TMC1: variants seen among roughly 807,000 people sequenced by gnomAD.
TMC1 encodes the protein transmembrane channel-like protein 1.
Under a neutral mutation model 105.8 loss-of-function variants are expected in TMC1, and 84 were observed. That is an observed-to-expected ratio of 0.79 (90% CI 0.67 to 0.95). The LOEUF (loss-of-function observed/expected upper bound fraction) is 0.95. Among genes scored for constraint, TMC1 ranks in the 40% least tolerant of loss-of-function variants. TMC1 has a pLI of 0.00. For missense variants in TMC1, 817 were observed against 914.1 expected (o/e 0.89, Z 1.37); for synonymous variants, 315 against 311.5 (o/e 1.01, Z -0.12).
intron 1 of TMC1, among the ~76,000 whole-genome samples, chr9:72,525,824 C>CT (rs1823398175): frequency 6.6e-6 from 1 of 152,108 alleles, no homozygotes; most frequent in South Asian, 2.1e-4. Context: ...CCCGTCTCTA[C>CT]TAAAAATACA....
chr9:72,709,067 C>G (rs1826792187), intron 8 of TMC1, among the ~76,000 whole-genome samples: 2 of 151,700 alleles, frequency 1.3e-5, no homozygotes, highest in South Asian at 4.2e-4. Context: ...GAAGAGAAAA[C>G]CACCCCCATG....
chr9:72,566,168 G>C (rs749062945), intron 1 of TMC1, among the ~76,000 whole-genome samples: 1 of 152,138 alleles, frequency 6.6e-6, no homozygotes, highest in East Asian at 1.9e-4. Flanking sequence ...TTACAGGCAC[G>C]TGCCATTATG....
At position 72,827,027 on chromosome 9, in the gene TMC1, C is replaced by T. The variant is rs111810642; in HGVS notation, c.2129+33C>T. 1,841 of 1,613,538 alleles carry T rather than the reference C, an allele frequency of 1.1e-3. 18 individuals carry two copies. The African/African-American group carries it at 0.022, about 19-fold the overall frequency. On this transcript the variant is annotated intron_variant, in intron 21 of 23. Transcript: ENST00000297784. Reference sequence around the variant, plus strand: ...CTTTTCCTCCTCATAGAAAGAGCCTCTGTGATGTTCTTCCTGGCTGTTTTT... The same window carrying T: ...CTTTTCCTCCTCATAGAAAGAGCCTTTGTGATGTTCTTCCTGGCTGTTTTT...
At chr9:72,610,485 A>G (rs561876266) in intron 2 of TMC1, among the ~76,000 whole-genome samples, 12 of 152,294 alleles carry the variant, frequency 7.9e-5, no homozygotes, top group African/African-American at 2.4e-4. Context: ...GGAAGAAGCC[A>G]ATGTTTCAGT....
intron 17 of TMC1, among the ~76,000 whole-genome samples, chr9:72,793,229 C>T (rs1431111452): frequency 6.6e-6 from 1 of 152,116 alleles, no homozygotes; most frequent in African/African-American, 2.4e-5. Context: ...GGAGGTTAGA[C>T]CCCCAACCAC....
intron 2 of TMC1, among the ~76,000 whole-genome samples, chr9:72,608,190 G>GA (rs1363743912): frequency 1.3e-5 from 2 of 152,062 alleles, no homozygotes; most frequent in Non-Finnish European, 2.9e-5. Flanking sequence ...CTGTTAAACA[G>GA]AAAAAGTGAA....
intron 20 of TMC1, among the ~76,000 whole-genome samples, chr9:72,821,379 G>A (rs767737593): frequency 2.6e-5 from 4 of 152,036 alleles, no homozygotes; most frequent in Non-Finnish European, 5.9e-5. Context: ...GTGGGTGCCT[G>A]TAATCCCTGC....
intron 12 of TMC1, among the ~76,000 whole-genome samples, chr9:72,763,085 CTTTTTTTTTTT>C (rs148498655): frequency 9.1e-6 from 1 of 109,514 alleles, no homozygotes; most frequent in Non-Finnish European, 1.9e-5. Context: ...CTAGCGATGC[CTTTTTTTTTTT>C]TTTTTTTTTT....
In TMC1 at chr9:72,663,839, A is replaced by G. The variant is rs1480686890; in HGVS notation, c.16+15175A>G. On this transcript the variant is annotated intron_variant, in intron 5 of 23. Coordinates refer to ENST00000297784, the MANE Select transcript of TMC1 (RefSeq NM_138691.3). ...ACACACTTTGTACAACTGTACAAAC[A>G]TATTTTCTTTATATACTTATTCTAT... 3.9e-5 allele frequency among the ~76,000 whole-genome samples: 6 copies of G among 152,254 alleles called. No individual in the cohort carries two copies. The East Asian group carries it at 5.8e-4, about 15-fold the overall frequency.
At chr9:72,792,108 TC>T (rs1414331044) in intron 16 of TMC1, 43 bp downstream of exon 16, 2 of 1,613,514 alleles carry the variant, frequency 1.2e-6, no homozygotes, top group African/African-American at 2.7e-5. Flanking sequence ...AGAGTGTTGT[TC>T]AATTCCCAGT....
At chr9:72,732,089 C>T (rs1018399396) in intron 8 of TMC1, among the ~76,000 whole-genome samples, 8 of 152,166 alleles carry the variant, frequency 5.3e-5, no homozygotes, top group African/African-American at 1.9e-4. Flanking sequence ...TTACTGATAA[C>T]AAAACTGAAT....
At chr9:72,752,389 C>G (rs1309736648) in intron 11 of TMC1, among the ~76,000 whole-genome samples, 1 of 151,612 alleles carries the variant, frequency 6.6e-6, no homozygotes, top group Non-Finnish European at 1.5e-5. Context: ...ATTTTCTATA[C>G]TGAAGAAACA....
chr9:72,675,923 CT>C (rs35736093), intron 5 of TMC1, among the ~76,000 whole-genome samples: 23,536 of 152,126 alleles, frequency 0.15, 1,993 homozygotes, highest in African/African-American at 0.21. Context: ...TGACTCTTGT[CT>C]CTTTCTTTGT....
intron 5 of TMC1, among the ~76,000 whole-genome samples, chr9:72,685,032 G>C (rs1826352453): frequency 1.3e-5 from 2 of 151,038 alleles, no homozygotes; most frequent in African/African-American, 2.4e-5. Context: ...ATACATTGCT[G>C]TTGCAGCTTA....
At chr9:72,660,969 T>C (rs1825961675) in intron 5 of TMC1, among the ~76,000 whole-genome samples, 1 of 152,164 alleles carries the variant, frequency 6.6e-6, no homozygotes, top group Admixed American at 6.5e-5. Flanking sequence ...GCTAACACAG[T>C]TAAACCCTGT....
At chr9:72,534,761 A>C (rs1244589634) in intron 1 of TMC1, among the ~76,000 whole-genome samples, 1 of 152,192 alleles carries the variant, frequency 6.6e-6, no homozygotes, top group Non-Finnish European at 1.5e-5. Flanking sequence ...AAGATATTTT[A>C]ACGATGCATT....
chr9:72,640,938 G>C (rs1415962652), intron 4 of TMC1, among the ~76,000 whole-genome samples: 1 of 151,902 alleles, frequency 6.6e-6, no homozygotes, highest in Non-Finnish European at 1.5e-5. Flanking sequence ...GCCTTTAGTT[G>C]AGATTTGATT....
intron 5 of TMC1, among the ~76,000 whole-genome samples, chr9:72,651,925 A>T (rs1168856476): frequency 6.6e-6 from 1 of 151,738 alleles, no homozygotes; most frequent in African/African-American, 2.4e-5. Context: ...CTTTCCCTTG[A>T]CTCCCCAAAG....
At chr9:72,757,053 A>G (rs1054030718) in intron 12 of TMC1, among the ~76,000 whole-genome samples, 1 of 152,216 alleles carries the variant, frequency 6.6e-6, no homozygotes, top group African/African-American at 2.4e-5. Context: ...AGAGTGTTCT[A>G]TGATAGTTAT....
Sources: gnomAD v4.1 joint callset for allele counts (sites outside exome capture counted in the v4.1 genomes callset) on GRCh38, gnomAD v4.1.1 for gene constraint, MANE v1.5 for transcripts, NCBI Gene and HGNC (gene_info 2026-07-23, HGNC 2026-07-21) for gene names.